RFX4: variants seen among roughly 807,000 people sequenced by gnomAD.
RFX4 encodes regulatory factor X4.
Under a neutral mutation model 95.0 loss-of-function variants are expected in RFX4, and 10 were observed. The ratio of observed to expected loss-of-function variants is 0.11; its 90% CI spans 0.06 to 0.18. The LOEUF (loss-of-function observed/expected upper bound fraction) is 0.18, where lower values mean the gene tolerates loss of function less well. Ranked by LOEUF, RFX4 falls within the 10% of genes least tolerant of loss-of-function variation. RFX4 has a pLI of 1.00. For synonymous variants in RFX4, 321 were observed against 340.7 expected (o/e 0.94, Z 0.64); for missense variants, 640 against 922.0 (o/e 0.69, Z 3.96).
chr12:106,748,955 C>T (rs1245625946), intron 16 of RFX4, among the ~76,000 whole-genome samples: 1 of 151,966 alleles, frequency 6.6e-6, no homozygotes, highest in African/African-American at 2.4e-5. Context: ...CGTAGTGGCA[C>T]GCGCCTGTAG....
intron 3 of RFX4, among the ~76,000 whole-genome samples, chr12:106,654,007 G>A (rs2040907498): frequency 6.6e-6 from 1 of 152,136 alleles, no homozygotes; most frequent in African/African-American, 2.4e-5. Context: ...AAAGTAGCCT[G>A]GTGTCATACC....
At chr12:106,730,768 AG>A (rs2042594696) in intron 13 of RFX4, among the ~76,000 whole-genome samples, 1 of 152,222 alleles carries the variant, frequency 6.6e-6, no homozygotes, top group Non-Finnish European at 1.5e-5. Flanking sequence ...TGGGAGGCCG[AG>A]GTAGGTGGAT....
chr12:106,690,396 A>G (rs774824873), intron 7 of RFX4, among the ~76,000 whole-genome samples: 6 of 152,204 alleles, frequency 3.9e-5, no homozygotes, highest in African/African-American at 4.8e-5. Context: ...TTTCTTTCGA[A>G]CTGCGGTTTG....
At chr12:106,714,135 C>A (rs2042245036) in intron 10 of RFX4, among the ~76,000 whole-genome samples, 1 of 135,500 alleles carries the variant, frequency 7.4e-6, no homozygotes, top group Admixed American at 7.6e-5. Flanking sequence ...CTTTGGTAAA[C>A]AGTTCATTTC....
At chr12:106,599,159 C>T (rs1003573372) in intron 1 of RFX4, among the ~76,000 whole-genome samples, 4 of 150,016 alleles carry the variant, frequency 2.7e-5, no homozygotes, top group African/African-American at 7.3e-5. Flanking sequence ...GGAGTTTCCT[C>T]GTTCTTTTTT....
intron 4 of RFX4, among the ~76,000 whole-genome samples, chr12:106,674,822 G>A (rs563597800): frequency 6.6e-6 from 1 of 152,306 alleles, no homozygotes; most frequent in East Asian, 1.9e-4. Context: ...CCGGCCTGTA[G>A]CATGAGCTCA....
intron 10 of RFX4, among the ~76,000 whole-genome samples, chr12:106,713,223 G>A (rs1179898535): frequency 6.6e-6 from 1 of 152,092 alleles, no homozygotes; most frequent in African/African-American, 2.4e-5. Context: ...TCCAACTGAA[G>A]ACTCACCTCA....
chr12:106,618,705 T>A (rs1250496202), intron 2 of RFX4, among the ~76,000 whole-genome samples: 2 of 152,164 alleles, frequency 1.3e-5, no homozygotes, highest in African/African-American at 2.4e-5. Flanking sequence ...CCCAGTCTGA[T>A]AATCTTTGAA....
At chr12:106,677,584 C>A (rs1294817030) in intron 4 of RFX4, among the ~76,000 whole-genome samples, 3 of 152,118 alleles carry the variant, frequency 2.0e-5, no homozygotes, top group Non-Finnish European at 4.4e-5. Context: ...GTGCATGTAC[C>A]TGCAGTCCTA....
chr12:106,701,306 C>T (rs1307290984), intron 8 of RFX4, among the ~76,000 whole-genome samples: 2 of 152,112 alleles, frequency 1.3e-5, no homozygotes, highest in Non-Finnish European at 2.9e-5. Flanking sequence ...TTTGGTTTTT[C>T]AGTCTCTATC....
intron 13 of RFX4, among the ~76,000 whole-genome samples, chr12:106,729,265 A>C (rs548373716): frequency 1.3e-5 from 2 of 152,254 alleles, no homozygotes; most frequent in Admixed American, 1.3e-4. Context: ...CATCCCAGCA[A>C]GTAATTTCTT....
At chr12:106,639,461 T>C (rs2040576179) in intron 3 of RFX4, 69 bp downstream of exon 3, 1 of 1,366,508 alleles carries the variant, frequency 7.3e-7, no homozygotes, top group Non-Finnish European at 1.0e-6. Flanking sequence ...TAGGATAGGA[T>C]ATCACTTGGA....
chr12:106,714,068 C>CAAAAAAAAAAAGA (rs2042240108), intron 10 of RFX4, among the ~76,000 whole-genome samples: 1 of 30,524 alleles, frequency 3.3e-5, no homozygotes, highest in Non-Finnish European at 5.9e-5. Flanking sequence ...AACTCCATCT[C>CAAAAAAAAAAAGA]AAAAAAAAAA....
chr12:106,655,721 T>G (rs1241517812), intron 4 of RFX4, among the ~76,000 whole-genome samples: 1 of 152,198 alleles, frequency 6.6e-6, no homozygotes, highest in African/African-American at 2.4e-5. Context: ...CTGGACTTAT[T>G]ATCTAACCTC....
intron 2 of RFX4, among the ~76,000 whole-genome samples, chr12:106,630,609 A>G: frequency 6.6e-6 from 1 of 152,246 alleles, no homozygotes; most frequent in East Asian, 1.9e-4. Flanking sequence ...TGTTCCCAAC[A>G]GGTGAGTTCT....
At chr12:106,751,725 C>T (rs1009343483) in intron 17 of RFX4, among the ~76,000 whole-genome samples, 6 of 151,976 alleles carry the variant, frequency 3.9e-5, no homozygotes, top group South Asian at 2.1e-4. Context: ...TTTGGCTGCA[C>T]AAATGTCTTC....
At chr12:106,601,444 G>A in intron 1 of RFX4, 9 of 1,274,868 alleles carry the variant, frequency 7.1e-6, no homozygotes, top group African/African-American at 1.5e-5. Flanking sequence ...AGTGTGGCAT[G>A]TCAACTCTTT....
At chr12:106,715,689 G>T in intron 11 of RFX4, 145 bp downstream of exon 11, 3 of 925,206 alleles carry the variant, frequency 3.2e-6, no homozygotes, top group African/African-American at 1.7e-5. Context: ...CCTTTTAAAT[G>T]AGTCAGTCCA....
At chr12:106,695,031 C>T (rs2041854013) in intron 7 of RFX4, among the ~76,000 whole-genome samples, 2 of 152,018 alleles carry the variant, frequency 1.3e-5, no homozygotes, top group African/African-American at 4.8e-5. Flanking sequence ...AGCAAGACTC[C>T]ATCTCCCCAG....
Sources: allele counts gnomAD v4.1 joint callset (sites outside exome capture counted in the v4.1 genomes callset), GRCh38; gene constraint gnomAD v4.1.1; transcripts MANE v1.5; gene names NCBI Gene and HGNC (gene_info 2026-07-23, HGNC 2026-07-21).